EML4: variants seen among roughly 807,000 people sequenced by gnomAD.
The protein encoded by EML4 is EMAP like 4.
EML4 carries 72 observed loss-of-function variants against 129.0 expected under a neutral mutation model. The ratio of observed to expected loss-of-function variants is 0.56; its 90% confidence interval spans 0.46 to 0.68. The LOEUF (loss-of-function observed/expected upper bound fraction) is 0.68, where lower values mean the gene tolerates loss of function less well. Among genes scored for constraint, EML4 ranks in the 30% least tolerant of loss-of-function variants. The probability of loss-of-function intolerance (pLI) is 0.00; values close to 1 mark genes in which losing one functional copy is unlikely to be tolerated. For synonymous variants in EML4, 532 were observed against 405.0 expected, an observed-to-expected ratio of 1.31 and a Z score of -3.77; for missense variants, 1,363 against 1,190.6, an observed-to-expected ratio of 1.14 and a Z score of -2.13.
chr2:42,332,534 G>A lies in EML4; in HGVS notation c.*2327G>A, dbSNP rs1382506577. 1 of 181,410 alleles carries A rather than the reference G, an allele frequency of 5.5e-6. No individual in the cohort carries two copies. Among genetic ancestry groups the A allele is most frequent in the African/African-American group, 2.4e-5 (1 of 42,396 alleles). 11.2% of individuals were successfully genotyped at this position (181,410 alleles called of 1,614,324 possible). A position where few individuals can be genotyped will look rare whatever the true frequency, so the allele number is the denominator to read the frequency against. Reference sequence around the variant, plus strand: ...GATTAAAAAATAAAATAATCAAAATGTTTCCTCTTTCTAAGTGCGTCTTAA... The same window carrying A: ...GATTAAAAAATAAAATAATCAAAATATTTCCTCTTTCTAAGTGCGTCTTAA... On this transcript the variant is annotated 3_prime_UTR_variant, in exon 23 of 23. Transcript: ENST00000318522.
chr2:42,184,948 G>C (rs1572843112), intron 1 of EML4, among the ~76,000 whole-genome samples: 1 of 152,148 alleles, frequency 6.6e-6, no homozygotes. Flanking sequence ...AACCGCTTTG[G>C]CCGATGGGAA....
intron 1 of EML4, among the ~76,000 whole-genome samples, chr2:42,243,098 T>G (rs2104284728): frequency 6.6e-6 from 1 of 152,188 alleles, no homozygotes; most frequent in East Asian, 1.9e-4. Context: ...GTAGTAATAT[T>G]TATACAACTG....
chr2:42,268,396 T>C (rs569261064), intron 6 of EML4, among the ~76,000 whole-genome samples: 1 of 152,248 alleles, frequency 6.6e-6, no homozygotes, highest in East Asian at 1.9e-4. Flanking sequence ...AGAACCAGTG[T>C]CCCATGGAAA....
intron 4 of EML4, among the ~76,000 whole-genome samples, chr2:42,262,043 T>C (rs1665770109): frequency 6.6e-6 from 1 of 152,054 alleles, no homozygotes; most frequent in Non-Finnish European, 1.5e-5. Context: ...ATTCAAGCCT[T>C]GTGATTAGGA....
intron 1 of EML4, among the ~76,000 whole-genome samples, chr2:42,178,734 T>C (rs1446127155): frequency 6.6e-6 from 1 of 152,202 alleles, no homozygotes; most frequent in East Asian, 1.9e-4. Flanking sequence ...TCCCCACTTA[T>C]TTGCTGAAAT....
intron 1 of EML4, among the ~76,000 whole-genome samples, chr2:42,240,169 A>T (rs542051878): frequency 1.3e-5 from 2 of 152,198 alleles, no homozygotes; most frequent in African/African-American, 4.8e-5. Flanking sequence ...TATGTTCCTT[A>T]TAACACTGGA....
At chr2:42,300,395 A>G (rs560845062) in intron 13 of EML4, among the ~76,000 whole-genome samples, 1 of 152,382 alleles carries the variant, frequency 6.6e-6, no homozygotes, top group East Asian at 1.9e-4. Flanking sequence ...GGGGCAAAAT[A>G]TAATTTAAAA....
At chr2:42,183,727 C>A (rs1181375843) in intron 1 of EML4, among the ~76,000 whole-genome samples, 5 of 151,720 alleles carry the variant, frequency 3.3e-5, no homozygotes, top group Admixed American at 3.3e-4. Context: ...TATGGTTGGA[C>A]ATATATTTTT....
intron 1 of EML4, among the ~76,000 whole-genome samples, chr2:42,241,879 G>GC (rs976662593): frequency 1.2e-4 from 18 of 150,384 alleles, no homozygotes; most frequent in African/African-American, 4.2e-4. Context: ...TGTGTCGGGG[G>GC]GGGGAAGCTG....
intron 17 of EML4, 59 bp downstream of exon 17, chr2:42,304,610 G>T: frequency 7.9e-7 from 1 of 1,258,686 alleles, no homozygotes; most frequent in Non-Finnish European, 1.2e-6. Context: ...ATGCTATTCA[G>T]GAATGTTCTC....
At chr2:42,274,583 A>G (rs986573297) in intron 6 of EML4, among the ~76,000 whole-genome samples, 5 of 152,148 alleles carry the variant, frequency 3.3e-5, no homozygotes, top group Admixed American at 1.3e-4. Context: ...CTTTGTTACA[A>G]TTTGTGAACG....
rs370539633 is a variant in EML4 at position 42,330,025 on chromosome 2, C to T, written c.2764C>T (p.Leu922Phe). The change falls in exon 23 of 23, where the codon CTT becomes TTT. Residue 922 changes from leucine (L) to phenylalanine (F), a missense_variant. Transcript: ENST00000318522. Reference sequence around the variant, plus strand: ...AAGTAGAATAAGCAGTTCTCCCACACTTCTGGAGAACAGCCTGGAACAAAC... The same window carrying T: ...AAGTAGAATAAGCAGTTCTCCCACATTTCTGGAGAACAGCCTGGAACAAAC... ...EESRISSSPT[L>F]LENSLEQTVE... 8 of 1,613,768 alleles carry T rather than the reference C, an allele frequency of 5.0e-6. No individual in the cohort carries two copies. In the African/African-American group the frequency reaches 6.7e-5, roughly 13 times the overall value.
chr2:42,183,391 T>G (rs1294412459), intron 1 of EML4, among the ~76,000 whole-genome samples: 1 of 152,204 alleles, frequency 6.6e-6, no homozygotes, highest in Non-Finnish European at 1.5e-5. Flanking sequence ...CATTGTCGGT[T>G]TTAAGCACAT....
intron 14 of EML4, among the ~76,000 whole-genome samples, chr2:42,302,015 CTTGA>C (rs1668311671): frequency 6.6e-6 from 1 of 152,020 alleles, no homozygotes; most frequent in African/African-American, 2.4e-5. Flanking sequence ...TTAGATCCCA[CTTGA>C]TAAAGTGGGA....
intron 1 of EML4, among the ~76,000 whole-genome samples, chr2:42,196,547 G>C (rs1671905691): frequency 6.6e-6 from 1 of 152,192 alleles, no homozygotes; most frequent in African/African-American, 2.4e-5. Flanking sequence ...ACTATGATAA[G>C]AGTTCCGTCT....
intron 17 of EML4, among the ~76,000 whole-genome samples, chr2:42,311,132 C>G (rs1010843571): frequency 6.6e-6 from 1 of 152,102 alleles, no homozygotes; most frequent in Non-Finnish European, 1.5e-5. Context: ...TTTTAGGTTT[C>G]TACACATTTT....
chr2:42,237,422 G>C (rs1440378821), intron 1 of EML4, among the ~76,000 whole-genome samples: 1 of 151,954 alleles, frequency 6.6e-6, no homozygotes, highest in Non-Finnish European at 1.5e-5. Flanking sequence ...GAAGACATTT[G>C]CAGTTATTTT....
intron 1 of EML4, among the ~76,000 whole-genome samples, chr2:42,183,000 CA>C (rs1671037229): frequency 6.6e-6 from 1 of 152,042 alleles, no homozygotes; most frequent in African/African-American, 2.4e-5. Flanking sequence ...ACCAAAAGTA[CA>C]AAAAATTAGC....
intron 1 of EML4, among the ~76,000 whole-genome samples, chr2:42,226,512 T>C (rs1188386304): frequency 1.3e-5 from 2 of 150,910 alleles, no homozygotes; most frequent in Admixed American, 6.6e-5. Context: ...ACAAAATTAG[T>C]TGGGCGTGAT....
Sources: allele counts gnomAD v4.1 joint callset (sites outside exome capture counted in the v4.1 genomes callset), GRCh38; gene constraint gnomAD v4.1.1; transcripts MANE v1.5; gene names NCBI Gene and HGNC (gene_info 2026-07-23, HGNC 2026-07-21).